The following SASH1 variants were observed in gnomAD, a reference collection of about 807,000 sequenced individuals.
SASH1 encodes SAM and SH3 domain containing 1, also known as SAM and SH3 domain-containing protein 1.
A neutral mutation model predicts 125.2 loss-of-function variants in SASH1; 44 were observed. The ratio of observed to expected loss-of-function variants is 0.35; its 90% CI spans 0.28 to 0.45. The LOEUF is 0.45. SASH1 is among the 20% of genes least tolerant of loss of function. The pLI is 1.00. For synonymous variants in SASH1, 639 were observed against 649.1 expected, an observed-to-expected ratio of 0.98 and a Z score of 0.24; for missense variants, 1,426 against 1,614.5, an observed-to-expected ratio of 0.88 and a Z score of 2.00.
chr6:148,448,162 G>A (rs1029841948), intron 4 of SASH1, among the ~76,000 whole-genome samples: 10 of 151,976 alleles, frequency 6.6e-5, no homozygotes, highest in Admixed American at 2.6e-4. Flanking sequence ...GCGTGCGTGC[G>A]TGCGTTGTCA....
chr6:148,360,636 A>ACCAC (rs1554242918), intron 1 of SASH1, among the ~76,000 whole-genome samples: 1 of 127,824 alleles, frequency 7.8e-6, no homozygotes, highest in Admixed American at 7.7e-5. Context: ...GGCGTGAGCC[A>ACCAC]CCCCCCCGCC....
chr6:148,463,626 C>T (rs569947622), intron 4 of SASH1, among the ~76,000 whole-genome samples: 3 of 152,268 alleles, frequency 2.0e-5, no homozygotes, highest in South Asian at 4.1e-4. Context: ...TGTTTCTCTT[C>T]GTAGTGTTCA....
upstream of SASH1, chr6:148,272,244 T>C: frequency 4.6e-6 from 2 of 438,086 alleles, no homozygotes; most frequent in South Asian, 3.4e-5. Flanking sequence ...ACATCTGCCC[T>C]GAATTGAAAA....
Position 148,544,900 on chromosome 6 carries a change from G to A in SASH1, c.3348+82G>A, listed in dbSNP as rs374280746. 3.1e-5 allele frequency: 44 copies of A among 1,398,092 alleles called. No individual in the cohort carries two copies. Among genetic ancestry groups the A allele is most frequent in the East Asian group, 1.7e-4 (7 of 40,036 alleles). The allele number at this position is 1,398,092 out of a possible 1,614,324, so 86.6% of individuals were successfully genotyped here. A position where few individuals can be genotyped will look rare whatever the true frequency, so the allele number is the denominator to read the frequency against. On this transcript the variant is annotated intron_variant, in intron 18 of 19. Coordinates refer to ENST00000367467, the MANE Select transcript of SASH1 (RefSeq NM_015278.5). The surrounding 1 kb of genome is among the most constrained non-coding windows in gnomAD (Gnocchi z 6.4). ...AGCCAGGTGAGATGAACCCACATCT[G>A]AAGCCAGCCCGGTAGCCCGCCCAGT... is the stretch of plus-strand genomic sequence containing the variant.
chr6:148,535,009 T>C (rs1379973592), intron 16 of SASH1, 108 bp downstream of exon 16: 16 of 1,193,182 alleles, frequency 1.3e-5, no homozygotes, highest in Non-Finnish European at 1.8e-5. Flanking sequence ...TTCTGTCCTG[T>C]TCTTTCTGTT....
At chr6:148,404,756 G>A (rs1246692270) in intron 2 of SASH1, among the ~76,000 whole-genome samples, 1 of 92,136 alleles carries the variant, frequency 1.1e-5, no homozygotes, top group Admixed American at 1.3e-4. Context: ...CCCAGCCCGT[G>A]CCCCACCCCA....
chr6:148,326,333 T>TATATATGC (rs1780802805), intron 1 of SASH1, among the ~76,000 whole-genome samples: 1 of 65,638 alleles, frequency 1.5e-5, no homozygotes, highest in Non-Finnish European at 2.8e-5. Context: ...CATATATATA[T>TATATATGC]ATATATATAT....
At chr6:148,446,459 G>A (rs1030189455) in intron 4 of SASH1, among the ~76,000 whole-genome samples, 5 of 152,102 alleles carry the variant, frequency 3.3e-5, no homozygotes, top group Non-Finnish European at 1.5e-5. Context: ...TAGGAGACTA[G>A]CAGTATTTTC....
rs374423942 is a variant in SASH1 at position 148,443,066 on chromosome 6, G to A, written c.386+2659G>A. Among the ~76,000 whole-genome samples the A allele has an allele frequency of 8.7e-5, 13 of 150,070 alleles. No individual in the cohort carries two copies. In the South Asian group the frequency reaches 2.3e-3, roughly 27 times the overall value. ...GCTGGGATTACAGGGATGAGCCACC[G>A]TGCCAGCTGTATTTGTTTTACTAAT... On this transcript the variant is annotated intron_variant, in intron 4 of 19. Coordinates refer to ENST00000367467, the MANE Select transcript of SASH1 (RefSeq NM_015278.5).
At chr6:148,285,816 G>T (rs1169735287) in intron 1 of SASH1, among the ~76,000 whole-genome samples, 2 of 152,198 alleles carry the variant, frequency 1.3e-5, no homozygotes, top group African/African-American at 4.8e-5. Flanking sequence ...AATTAAGGTA[G>T]TAAGATGTCT....
chr6:148,425,495 A>G (rs1227279394), intron 2 of SASH1, among the ~76,000 whole-genome samples: 1 of 152,218 alleles, frequency 6.6e-6, no homozygotes, highest in Non-Finnish European at 1.5e-5. Context: ...TCAAGAGATC[A>G]TCATTAAACA....
At chr6:148,342,606 G>A (rs1173893752), upstream of SASH1, 3 of 152,226 alleles carry the variant, frequency 2.0e-5, no homozygotes, top group East Asian at 5.8e-4. Context: ...TTGAAGAGAG[G>A]GGTCCCGGGG....
At chr6:148,323,643 G>A (rs1199604409) in intron 1 of SASH1, among the ~76,000 whole-genome samples, 1 of 152,156 alleles carries the variant, frequency 6.6e-6, no homozygotes, top group African/African-American at 2.4e-5. Flanking sequence ...TAGGATAACT[G>A]CTGTGATAGG....
At chr6:148,465,304 C>A (rs1777781667) in intron 4 of SASH1, among the ~76,000 whole-genome samples, 1 of 152,122 alleles carries the variant, frequency 6.6e-6, no homozygotes, top group Non-Finnish European at 1.5e-5. Context: ...GCAATCCCAG[C>A]ACTTTGGGAG....
rs886480149 is a variant in SASH1 at position 148,313,541 on chromosome 6, G to A, written n.74+41164G>A. ...GTAGGAGAGGGTGGTGGGAGAGGGAGGACATTGAATCAAATGGTTCTTTGT... is the reference window on the plus strand; with the variant it reads ...GTAGGAGAGGGTGGTGGGAGAGGGAAGACATTGAATCAAATGGTTCTTTGT... On this transcript the variant is annotated intron_variant and non_coding_transcript_variant, in intron 1 of 3. Transcript: ENST00000367469. Among the ~76,000 whole-genome samples, 14 of 152,172 alleles carry A rather than the reference G, an allele frequency of 9.2e-5. 1 individual carries two copies. Among genetic ancestry groups the A allele is most frequent in the Admixed American group, 2.0e-4 (3 of 15,274 alleles).
intron 1 of SASH1, among the ~76,000 whole-genome samples, chr6:148,370,230 G>A (rs905105652): frequency 1.3e-5 from 2 of 152,026 alleles, no homozygotes; most frequent in African/African-American, 4.8e-5. Flanking sequence ...AAAACAAATT[G>A]TGATATATAG....
intron 7 of SASH1, among the ~76,000 whole-genome samples, chr6:148,485,812 G>A (rs1021397148): frequency 3.9e-5 from 6 of 152,160 alleles, no homozygotes; most frequent in Admixed American, 6.5e-5. Flanking sequence ...CCAGGGCTTC[G>A]GGATTGTCCA....
chr6:148,453,197 T>C (rs185166476), intron 4 of SASH1, among the ~76,000 whole-genome samples: 1 of 152,238 alleles, frequency 6.6e-6, no homozygotes, highest in East Asian at 1.9e-4. Context: ...GCAGGCTGTG[T>C]GTGTTCTTGC....
At position 148,419,712 on chromosome 6, in the gene SASH1, G is replaced by A. The variant is rs184582287; in HGVS notation, c.286-20472G>A. 1.1e-3 allele frequency among the ~76,000 whole-genome samples: 166 copies of A among 152,268 alleles called. No individual in the cohort carries two copies. The Middle Eastern group carries it at 0.017, about 16-fold the overall frequency. ...AGGTTTCCTGTTTGTACTCTTCTGA[G>A]TTTTTGCTTGTTGGCTTTTCCTGAG... On this transcript the variant is annotated intron_variant, in intron 2 of 19. Transcript: ENST00000367467.
Sources: gnomAD v4.1 joint callset for allele counts (sites outside exome capture counted in the v4.1 genomes callset) on GRCh38, gnomAD v4.1.1 for gene constraint, Gnocchi (gnomAD v3.1) non-coding constraint, MANE v1.5 for transcripts, NCBI Gene and HGNC (gene_info 2026-07-23, HGNC 2026-07-21) for gene names.